KLF15: variants seen among roughly 807,000 people sequenced by gnomAD.
KLF15 encodes the protein Krueppel-like factor 15.
KLF15 carries 4 observed loss-of-function variants against 24.6 expected under a neutral mutation model. That is an observed-to-expected ratio of 0.16 (90% CI 0.08 to 0.37). KLF15 has a LOEUF of 0.37. Among genes scored for constraint, KLF15 ranks in the 10% least tolerant of loss-of-function variants. The pLI, the probability that KLF15 is intolerant of heterozygous loss-of-function variation, is 1.00. For synonymous variants in KLF15, 246 were observed against 236.3 expected (o/e 1.04, Z -0.37); for missense variants, 496 against 560.6 (o/e 0.88, Z 1.16).
the KLF15 span, among the ~76,000 whole-genome samples, chr3:126,333,835 A>G: frequency 6.9e-6 from 1 of 143,906 alleles, no homozygotes; most frequent in Non-Finnish European, 1.5e-5. Flanking sequence ...AGGCCATTAC[A>G]TAATGGTAAA....
intron 2 of KLF15, among the ~76,000 whole-genome samples, chr3:126,351,092 T>TGGGTAA (rs56298688): frequency 0.74 from 111,755 of 151,420 alleles, 41,292 homozygotes; most frequent in Non-Finnish European, 0.77. Flanking sequence ...GGAAGGGTGC[T>TGGGTAA]CCCTGGTTGG....
At chr3:126,321,416 G>C in the KLF15 span, among the ~76,000 whole-genome samples, 1 of 152,254 alleles carries the variant, frequency 6.6e-6, no homozygotes, top group Non-Finnish European at 1.5e-5. Flanking sequence ...CCCTGCAAAG[G>C]CTGTGGCTCC....
At chr3:126,300,888 C>G in the KLF15 span, among the ~76,000 whole-genome samples, 1 of 152,192 alleles carries the variant, frequency 6.6e-6, no homozygotes, top group Non-Finnish European at 1.5e-5. Flanking sequence ...GGAGGGTCCG[C>G]TGAACGTCAG....
At chr3:126,296,842 TAG>T in the KLF15 span, among the ~76,000 whole-genome samples, 333 of 152,408 alleles carry the variant, frequency 2.2e-3, 2 homozygotes, top group Non-Finnish European at 3.2e-3. Flanking sequence ...CCTTTCTTCT[TAG>T]TTTGTAAGAA....
the KLF15 span, among the ~76,000 whole-genome samples, chr3:126,311,225 A>G: frequency 6.6e-6 from 1 of 152,176 alleles, no homozygotes; most frequent in Non-Finnish European, 1.5e-5. Context: ...GACAGGCAAA[A>G]AGAAACTCCC....
chr3:126,348,401 G>A (rs1291395843), intron 2 of KLF15, among the ~76,000 whole-genome samples: 1 of 152,098 alleles, frequency 6.6e-6, no homozygotes, highest in African/African-American at 2.4e-5. Context: ...TGCCTTTTGG[G>A]CCGACCTCTT....
In KLF15 at chr3:126,352,420, T is replaced by C; in HGVS notation, c.503A>G (p.Asp168Gly). Reference sequence around the variant, plus strand: ...CCCAGCTGAGAGCTGGCTGCAGGCATCCAAGTCCTTGCTGTTGCCCTCAGG... The same window carrying C: ...CCCAGCTGAGAGCTGGCTGCAGGCACCCAAGTCCTTGCTGTTGCCCTCAGG... ...EVPEGNSKDL[D>G]ACSQLSAGPH... The change falls in exon 2 of 3, where the codon GAT (aspartate) becomes GGT (glycine). Residue 168 changes from aspartate to glycine, a missense_variant. By Grantham distance (94) the Asp-to-Gly change is moderately conservative. Coordinates refer to ENST00000296233, the MANE Select transcript of KLF15 (RefSeq NM_014079.4). The C allele has an allele frequency of 6.2e-7, 1 of 1,613,540 alleles. No individual in the cohort carries two copies. Among genetic ancestry groups the C allele is most frequent in the Non-Finnish European group, 8.5e-7 (1 of 1,179,942 alleles).
the KLF15 span, among the ~76,000 whole-genome samples, chr3:126,308,525 G>A: frequency 2.0e-5 from 3 of 152,188 alleles, no homozygotes; most frequent in Non-Finnish European, 2.9e-5. Flanking sequence ...CAGAGCTGAG[G>A]GGAAATCCTC....
chr3:126,304,151 C>G, the KLF15 span, among the ~76,000 whole-genome samples: 1 of 152,080 alleles, frequency 6.6e-6, no homozygotes, highest in Non-Finnish European at 1.5e-5. Flanking sequence ...GTGAATTTTA[C>G]TATGTTTGTG....
At position 126,356,655 on chromosome 3, in the gene KLF15, C is replaced by A. The variant is rs1213856516; in HGVS notation, c.-26+582G>T. Reference sequence around the variant, plus strand: ...GCAGCCGCTGTGGCTGTGCGGGAGGCTGTCCGCGAAGGACTCGCGCGTGGA... The same window carrying A: ...GCAGCCGCTGTGGCTGTGCGGGAGGATGTCCGCGAAGGACTCGCGCGTGGA... On this transcript the variant is annotated intron_variant, in intron 1 of 2. Transcript: ENST00000296233. The surrounding 1 kb of genome is among the most constrained non-coding windows in gnomAD (Gnocchi z 4.4). Among the ~76,000 whole-genome samples the A allele has an allele frequency of 6.6e-6, 1 of 151,918 alleles. No homozygotes were observed. Among genetic ancestry groups the A allele is most frequent in the African/African-American group, 2.4e-5 (1 of 41,396 alleles).
At chr3:126,333,543 AATGAC>A in the KLF15 span, among the ~76,000 whole-genome samples, 1 of 120,122 alleles carries the variant, frequency 8.3e-6, no homozygotes, top group African/African-American at 3.4e-5. Context: ...CTAACATCAT[AATGAC>A]AGGATCAAAT....
the KLF15 span, among the ~76,000 whole-genome samples, chr3:126,310,277 C>T: frequency 6.6e-5 from 10 of 152,232 alleles, no homozygotes; most frequent in Non-Finnish European, 1.5e-4. Context: ...GTATAAAATA[C>T]ACATCACTGA....
chr3:126,344,560 G>A (rs1003565501), intron 2 of KLF15, among the ~76,000 whole-genome samples: 2 of 152,130 alleles, frequency 1.3e-5, no homozygotes, highest in African/African-American at 2.4e-5. Context: ...GCACTCAGTC[G>A]CTCAGGCCCT....
chr3:126,350,575 C>T (rs1311844161), intron 2 of KLF15, among the ~76,000 whole-genome samples: 1 of 152,260 alleles, frequency 6.6e-6, no homozygotes, highest in Non-Finnish European at 1.5e-5. Context: ...CTGCCCCAGA[C>T]AACTCTCAAG....
the KLF15 span, among the ~76,000 whole-genome samples, chr3:126,295,363 C>T: frequency 6.6e-6 from 1 of 152,226 alleles, no homozygotes; most frequent in East Asian, 1.9e-4. Context: ...GCCTACACTT[C>T]TAGTGAGGGC....
the KLF15 span, among the ~76,000 whole-genome samples, chr3:126,322,186 G>A: frequency 6.6e-6 from 1 of 152,144 alleles, no homozygotes; most frequent in Non-Finnish European, 1.5e-5. Context: ...TCTTCTACCT[G>A]GATAAATTTC....
the KLF15 span, among the ~76,000 whole-genome samples, chr3:126,300,386 C>T: frequency 1.3e-5 from 2 of 152,216 alleles, no homozygotes; most frequent in Non-Finnish European, 2.9e-5. Context: ...TGCAGCGCGT[C>T]CTCCCAGCGG....
chr3:126,352,541 C>T lies in KLF15; in HGVS notation c.382G>A (p.Gly128Ser). 1 of 1,612,994 alleles carries T rather than the reference C, an allele frequency of 6.2e-7. No individual in the cohort carries two copies. The highest frequency in any genetic ancestry group is 8.5e-7 in the Non-Finnish European group (1 of 1,180,016). ...GGCCGTGGGACGTCATCAGGATCAC[C>T]CAAAGGAAACTCGGGCAAGCAGAAA... is the stretch of plus-strand genomic sequence containing the variant. ...EHFCLPEFPL[G>S]DPDDVPRPFQ... The change falls in exon 2 of 3, where the codon GGT (glycine) becomes AGT (serine). Residue 128 changes from glycine to serine, a missense_variant. Gly to Ser is a moderately conservative substitution (Grantham distance 56). Coordinates refer to ENST00000296233, the MANE Select transcript of KLF15 (RefSeq NM_014079.4).
chr3:126,320,971 G>A, the KLF15 span, among the ~76,000 whole-genome samples: 3,315 of 152,188 alleles, frequency 0.022, 112 homozygotes, highest in African/African-American at 0.075. Flanking sequence ...CCTCAGTCCC[G>A]GAAAGGTGGC....
Sources: allele counts gnomAD v4.1 joint callset (sites outside exome capture counted in the v4.1 genomes callset), GRCh38; gene constraint gnomAD v4.1.1; non-coding constraint Gnocchi (gnomAD v3.1); transcripts MANE v1.5; gene names NCBI Gene and HGNC (gene_info 2026-07-23, HGNC 2026-07-21).